NLGN1: variants seen among roughly 807,000 people sequenced by gnomAD.
NLGN1 encodes the protein neuroligin-1.
A neutral mutation model predicts 65.5 loss-of-function variants in NLGN1; 12 were observed. The observed-to-expected ratio is 0.18, with a 90% CI of 0.12 to 0.30. The LOEUF (loss-of-function observed/expected upper bound fraction) is 0.30. Among genes scored for constraint, NLGN1 ranks in the 10% least tolerant of loss-of-function variants. The pLI, the probability that NLGN1 is intolerant of heterozygous loss-of-function variation, is 1.00. For missense variants in NLGN1, 750 were observed against 1,007.1 expected (o/e 0.74, Z 3.46); for synonymous variants, 350 against 359.5 (o/e 0.97, Z 0.30).
At chr3:174,220,882 C>G (rs188875285) in intron 4 of NLGN1, among the ~76,000 whole-genome samples, 3 of 152,184 alleles carry the variant, frequency 2.0e-5, no homozygotes, top group African/African-American at 4.8e-5. Flanking sequence ...AAGAGAGCCA[C>G]AAAAGGAATT....
intron 3 of NLGN1, among the ~76,000 whole-genome samples, chr3:173,770,457 A>T (rs1779410906): frequency 6.6e-6 from 1 of 152,216 alleles, no homozygotes; most frequent in Admixed American, 6.5e-5. Context: ...TATAAGTTAA[A>T]GAGTCATATG....
intron 2 of NLGN1, among the ~76,000 whole-genome samples, chr3:173,524,548 C>CT (rs1389865576): frequency 6.6e-6 from 1 of 152,142 alleles, no homozygotes; most frequent in Non-Finnish European, 1.5e-5. Flanking sequence ...ATCAGGATGT[C>CT]TTTTATTTCT....
intron 3 of NLGN1, among the ~76,000 whole-genome samples, chr3:173,765,842 A>G (rs542416991): frequency 2.0e-5 from 3 of 152,154 alleles, no homozygotes; most frequent in South Asian, 2.1e-4. Context: ...TCTCATACAT[A>G]CTCATCTGCT....
At chr3:174,033,806 A>AAATTT (rs1184421502) in intron 4 of NLGN1, among the ~76,000 whole-genome samples, 307 of 152,266 alleles carry the variant, frequency 2.0e-3, no homozygotes, top group Non-Finnish European at 3.8e-3. Context: ...AAAAAATTAT[A>AAATTT]TGACAATTTT....
At chr3:173,563,807 A>G (rs942277972) in intron 2 of NLGN1, among the ~76,000 whole-genome samples, 3 of 152,066 alleles carry the variant, frequency 2.0e-5, no homozygotes, top group African/African-American at 7.2e-5. Context: ...GGCATCTTCC[A>G]TTTGGATTTC....
chr3:174,021,961 C>A (rs1233102220), intron 4 of NLGN1, among the ~76,000 whole-genome samples: 1 of 152,098 alleles, frequency 6.6e-6, no homozygotes, highest in Non-Finnish European at 1.5e-5. Flanking sequence ...AAGTGAGATT[C>A]TTGACCCAAG....
intron 4 of NLGN1, among the ~76,000 whole-genome samples, chr3:174,065,027 T>C (rs1427153049): frequency 3.3e-5 from 5 of 151,808 alleles, no homozygotes; most frequent in Non-Finnish European, 7.4e-5. Flanking sequence ...ATAAGTACAG[T>C]ATATAATCCT....
intron 4 of NLGN1, among the ~76,000 whole-genome samples, chr3:174,056,914 A>G (rs1469752301): frequency 1.3e-5 from 2 of 151,764 alleles, no homozygotes; most frequent in Non-Finnish European, 2.9e-5. Flanking sequence ...AGCCATATAT[A>G]TATATTTTTT....
At chr3:174,258,421 C>T (rs985876808) in intron 4 of NLGN1, among the ~76,000 whole-genome samples, 5 of 152,010 alleles carry the variant, frequency 3.3e-5, no homozygotes, top group African/African-American at 9.7e-5. Flanking sequence ...CATCAACAGA[C>T]GTTAAGATTA....
chr3:173,797,696 C>CAAAAAAAAAAAAAAA (rs112560290), intron 3 of NLGN1, among the ~76,000 whole-genome samples: 1 of 144,682 alleles, frequency 6.9e-6, no homozygotes, highest in East Asian at 2.1e-4. Context: ...ACAACAACAA[C>CAAAAAAAAAAAAAAA]AACAAAAAAA....
chr3:173,502,649 A>T (rs953016877), intron 2 of NLGN1, among the ~76,000 whole-genome samples: 9 of 152,142 alleles, frequency 5.9e-5, no homozygotes, highest in African/African-American at 2.2e-4. Flanking sequence ...TACTTGTTAT[A>T]TGAAATTAGG....
chr3:174,102,321 TAAAAC>T (rs577442935), intron 4 of NLGN1, among the ~76,000 whole-genome samples: 5 of 152,194 alleles, frequency 3.3e-5, no homozygotes, highest in Non-Finnish European at 5.9e-5. Context: ...AATTATCTCT[TAAAAC>T]TAAAGTCGAA....
At chr3:174,170,088 G>C (rs749616836) in intron 4 of NLGN1, among the ~76,000 whole-genome samples, 2 of 151,974 alleles carry the variant, frequency 1.3e-5, no homozygotes, top group Non-Finnish European at 2.9e-5. Context: ...TCAAGCTTTG[G>C]GGTATCCTTC....
intron 4 of NLGN1, among the ~76,000 whole-genome samples, chr3:174,217,473 C>G (rs1269476274): frequency 6.6e-6 from 1 of 152,084 alleles, no homozygotes; most frequent in African/African-American, 2.4e-5. Context: ...AGGGTACCAA[C>G]ATGATTGGGT....
intron 4 of NLGN1, among the ~76,000 whole-genome samples, chr3:174,127,301 A>G (rs1264846074): frequency 1.3e-5 from 2 of 152,162 alleles, no homozygotes; most frequent in East Asian, 1.9e-4. Flanking sequence ...CTTTACTAGT[A>G]GAGTGGAACC....
At chr3:173,990,839 A>T (rs979973040) in intron 4 of NLGN1, among the ~76,000 whole-genome samples, 1 of 152,210 alleles carries the variant, frequency 6.6e-6, no homozygotes, top group Non-Finnish European at 1.5e-5. Flanking sequence ...ATTAGAATAT[A>T]AAACTACTTG....
At chr3:173,539,372 A>G (rs1738027325) in intron 2 of NLGN1, among the ~76,000 whole-genome samples, 1 of 146,576 alleles carries the variant, frequency 6.8e-6, no homozygotes, top group Non-Finnish European at 1.5e-5. Context: ...TCCATCATAT[A>G]TATGTGTATA....
At chr3:174,256,038 C>T (rs1461150763) in intron 4 of NLGN1, among the ~76,000 whole-genome samples, 2 of 152,098 alleles carry the variant, frequency 1.3e-5, no homozygotes, top group Non-Finnish European at 2.9e-5. Context: ...TAATGTTCTC[C>T]CATTCCCAGA....
At chr3:173,464,628 T>G (rs900652331) in intron 2 of NLGN1, among the ~76,000 whole-genome samples, 5 of 151,710 alleles carry the variant, frequency 3.3e-5, no homozygotes, top group Admixed American at 2.0e-4. Flanking sequence ...AGACACGGGG[T>G]TTCTCCATGT....
Sources: gnomAD v4.1 joint callset for allele counts (sites outside exome capture counted in the v4.1 genomes callset) on GRCh38, gnomAD v4.1.1 for gene constraint, MANE v1.5 for transcripts, NCBI Gene and HGNC (gene_info 2026-07-23, HGNC 2026-07-21) for gene names.